CASP14: variants seen among roughly 807,000 people sequenced by gnomAD.
The protein encoded by CASP14 is caspase 14, also known as caspase-14.
In CASP14, 27 loss-of-function variants were observed where a neutral mutation model predicts 28.4. The observed-to-expected ratio is 0.95, with a 90% CI of 0.70 to 1.31. The LOEUF (loss-of-function observed/expected upper bound fraction) is 1.31, where lower values mean the gene tolerates loss of function less well. CASP14 is among the 50% of genes most tolerant of loss of function. The probability of loss-of-function intolerance (pLI) is 0.00; values close to 1 mark genes in which losing one functional copy is unlikely to be tolerated. For missense variants in CASP14, 323 were observed against 312.8 expected, an observed-to-expected ratio of 1.03 and a Z score of -0.25; for synonymous variants, 115 against 118.6, an observed-to-expected ratio of 0.97 and a Z score of 0.20.
intron 6 of CASP14, 142 bp downstream of exon 6, chr19:15,055,675 A>G: frequency 1.6e-6 from 1 of 640,100 alleles, no homozygotes; most frequent in Admixed American, 2.9e-5. Context: ...TAAGAAGCCC[A>G]CTTTCCAACA....
intron 6 of CASP14, 41 bp from the exon 7 acceptor site, chr19:15,055,944 T>C (rs1342175853): frequency 4.6e-6 from 7 of 1,523,524 alleles, no homozygotes; most frequent in Non-Finnish European, 6.3e-6. Context: ...CATAAGTCCA[T>C]GACACTGACT....
intron 1 of CASP14, among the ~76,000 whole-genome samples, chr19:15,050,307 TGAGTGTGTGTGTGTGAGA>T (rs1323990910): frequency 7.4e-6 from 1 of 135,394 alleles, no homozygotes; most frequent in Non-Finnish European, 1.6e-5. Context: ...TGTGTGTGTG[TGAGTGTGTGTGTGTGAGA>T]GAGAGAGAGA....
Position 15,053,473 on chromosome 19 carries a change from T to C in CASP14, c.28-9T>C. 6.2e-7 allele frequency: 1 copy of C among 1,614,104 alleles called. No individual in the cohort carries two copies. Among genetic ancestry groups the C allele is most frequent in the Non-Finnish European group, 8.5e-7 (1 of 1,179,992 alleles). ...CTCCATGCTGATTTCTGTCTTCTCT[T>C]GGCCCCAGGAGAAATATGATATGTC... On this transcript the variant is annotated splice_polypyrimidine_tract_variant and intron_variant, in intron 2 of 6. Transcript: ENST00000427043.
At chr19:15,053,695 G>A (rs780831094) in intron 3 of CASP14, 38 bp from the exon 4 acceptor site, 2 of 1,613,290 alleles carry the variant, frequency 1.2e-6, no homozygotes, top group East Asian at 2.2e-5. Flanking sequence ...TGTAGGCTAT[G>A]GGGACCCAGC....
In CASP14 at chr19:15,052,289, T is replaced by A. The variant is rs1377778287; in HGVS notation, c.27+11T>A. The A allele has an allele frequency of 6.3e-7, 1 of 1,583,368 alleles. No individual in the cohort carries two copies. The highest frequency in any genetic ancestry group is 1.2e-5 in the South Asian group (1 of 85,208). ...CGGTCTTTGGAAGAGGTAGGCTGGG[T>A]GCAGGTTGAGGGGAGGGTGATCATC... is the stretch of plus-strand genomic sequence containing the variant. On this transcript the variant is annotated intron_variant, in intron 2 of 6. Transcript: ENST00000427043.
In CASP14 at chr19:15,056,633, T is replaced by G. The variant is rs1185280095; in HGVS notation, c.*544T>G. ...AACCACTCCTCCTTGGCTGGCAAGT[T>G]GGTGTCCTAACTCCGTTCTCTTCCT... On this transcript the variant is annotated 3_prime_UTR_variant, in exon 7 of 7. Coordinates refer to ENST00000427043, the MANE Select transcript of CASP14 (RefSeq NM_012114.3). The G allele has an allele frequency of 6.5e-6, 1 of 154,056 alleles. No individual in the cohort carries two copies. Among genetic ancestry groups the G allele is most frequent in the African/African-American group, 2.4e-5 (1 of 41,458 alleles). 9.5% of individuals were successfully genotyped at this position (154,056 alleles called of 1,614,324 possible).
chr19:15,056,279 G>A lies in CASP14; in HGVS notation c.*190G>A. On this transcript the variant is annotated 3_prime_UTR_variant, in exon 7 of 7. Transcript: ENST00000427043. ...GCAAGCCAGCCAAAACTTAGCACAA[G>A]GCATGGTGGCAACATTAACATCACC... 1 of 501,864 alleles carries A rather than the reference G, an allele frequency of 2.0e-6. No individual in the cohort carries two copies. The highest frequency in any genetic ancestry group is 3.7e-5 in the East Asian group (1 of 26,878). 31.1% of individuals were successfully genotyped at this position (501,864 alleles called of 1,614,324 possible).
rs1170265372 is a variant in CASP14 at position 15,057,904 on chromosome 19, A to G, written c.*1815A>G. On this transcript the variant is annotated 3_prime_UTR_variant, in exon 7 of 7. Transcript: ENST00000427043. The stretch of plus-strand genomic sequence containing the variant: ...ATCCGGTCTCCAAAATAAATCAATC[A>G]ATCAAATAAAGACCAAAGTCAAACC... 1 of 152,174 alleles carries G rather than the reference A, an allele frequency of 6.6e-6. No homozygotes were observed. The highest frequency in any genetic ancestry group is 1.5e-5 in the Non-Finnish European group (1 of 68,076). 9.4% of individuals were successfully genotyped at this position (152,174 alleles called of 1,614,324 possible). A position where few individuals can be genotyped will look rare whatever the true frequency, so the allele number is the denominator to read the frequency against.
At chr19:15,054,553 AG>A (rs1265584532) in intron 4 of CASP14, among the ~76,000 whole-genome samples, 1 of 152,128 alleles carries the variant, frequency 6.6e-6, no homozygotes, top group African/African-American at 2.4e-5. Flanking sequence ...ATTGCACTCC[AG>A]CCTGGGCAAC....
intron 1 of CASP14, among the ~76,000 whole-genome samples, chr19:15,051,708 T>C (rs549491901): frequency 6.6e-5 from 10 of 152,100 alleles, no homozygotes; most frequent in Non-Finnish European, 1.3e-4. Flanking sequence ...CCCCTTCGTA[T>C]TGGAGACCCA....
chr19:15,054,794 C>A (rs1418891312), intron 4 of CASP14: 1 of 178,058 alleles, frequency 5.6e-6, no homozygotes, highest in Non-Finnish European at 1.2e-5. Flanking sequence ...GTGCAAGCCA[C>A]CATGCCTGGC....
chr19:15,052,638 C>T (rs1050353074), intron 2 of CASP14, among the ~76,000 whole-genome samples: 22 of 152,122 alleles, frequency 1.4e-4, no homozygotes, highest in Non-Finnish European at 2.9e-4. Flanking sequence ...CTGTTGACCC[C>T]CAATATTCTT....
intron 6 of CASP14, 108 bp from the exon 7 acceptor site, chr19:15,055,877 A>G: frequency 1.3e-6 from 1 of 784,980 alleles, no homozygotes; most frequent in Non-Finnish European, 2.1e-6. Flanking sequence ...AGAGGCCACA[A>G]CGGTCTCTCA....
intron 1 of CASP14, among the ~76,000 whole-genome samples, chr19:15,051,325 C>T (rs112058774): frequency 0.12 from 17,809 of 151,020 alleles, 1,199 homozygotes; most frequent in South Asian, 0.22. Flanking sequence ...AGTGAAATCC[C>T]GTCTCTACTA....
In CASP14 at chr19:15,055,362, C is replaced by T. The variant is rs113722711; in HGVS notation, c.521-68C>T. ...TCCTGAACCTCTCCTCCAGGACCCA[C>T]GCCCTTCCAGGATCCCCTCTACCTA... On this transcript the variant is annotated intron_variant, in intron 5 of 6. Coordinates refer to ENST00000427043, the MANE Select transcript of CASP14 (RefSeq NM_012114.3). The T allele has an allele frequency of 2.3e-3, 3,513 of 1,557,278 alleles. 61 individuals are homozygous for T. In the African/African-American group the frequency reaches 0.042, roughly 18 times the overall value.
chr19:15,055,038 C>T (rs2046109325), intron 4 of CASP14, 120 bp from the exon 5 acceptor site: 1 of 731,202 alleles, frequency 1.4e-6, no homozygotes, highest in South Asian at 1.6e-5. Context: ...CTCCCAGGTT[C>T]AAGTGATCCT....
intron 4 of CASP14, 120 bp from the exon 5 acceptor site, chr19:15,055,038 C>A: frequency 1.4e-6 from 1 of 731,202 alleles, no homozygotes; most frequent in Non-Finnish European, 2.4e-6. Context: ...CTCCCAGGTT[C>A]AAGTGATCCT....
intron 4 of CASP14, 96 bp downstream of exon 4, chr19:15,054,054 A>C: frequency 5.2e-5 from 50 of 963,676 alleles, no homozygotes; most frequent in Non-Finnish European, 7.1e-5. Context: ...GCGGAATCTC[A>C]ACTCACTGCA....
At chr19:15,050,696 G>A (rs535331512) in intron 1 of CASP14, among the ~76,000 whole-genome samples, 34 of 152,126 alleles carry the variant, frequency 2.2e-4, no homozygotes, top group Non-Finnish European at 4.1e-4. Context: ...ATGAATGAAT[G>A]AGTGGTTGGA....
Sources: gnomAD v4.1 joint callset for allele counts (sites outside exome capture counted in the v4.1 genomes callset) on GRCh38, gnomAD v4.1.1 for gene constraint, MANE v1.5 for transcripts, NCBI Gene and HGNC (gene_info 2026-07-23, HGNC 2026-07-21) for gene names.